DNAL4: variants seen among roughly 807,000 people sequenced by gnomAD.
The protein encoded by DNAL4 is dynein light chain, outer arm 4.
In DNAL4, 10 loss-of-function variants were observed where a neutral mutation model predicts 12.6. The observed-to-expected ratio is 0.79, with a 90% CI of 0.49 to 1.34. The LOEUF (loss-of-function observed/expected upper bound fraction) is 1.34. DNAL4 is among the 40% of genes most tolerant of loss of function. The pLI, the probability that DNAL4 is intolerant of heterozygous loss-of-function variation, is 0.00. For synonymous variants in DNAL4, 46 were observed against 53.1 expected (o/e 0.87, Z 0.58); for missense variants, 128 against 138.1 (o/e 0.93, Z 0.37).
At chr22:38,786,348 C>A (rs1396405335) in intron 1 of DNAL4, among the ~76,000 whole-genome samples, 1 of 152,150 alleles carries the variant, frequency 6.6e-6, no homozygotes, top group African/African-American at 2.4e-5. Context: ...CACTTGAGGT[C>A]AGAAGTTCGA....
chr22:38,787,151 C>T lies in DNAL4; in HGVS notation c.-139-4281G>A, dbSNP rs376244464. 6.2e-4 allele frequency among the ~76,000 whole-genome samples: 94 copies of T among 152,216 alleles called. 1 individual carries two copies. In the East Asian group the frequency reaches 0.01, roughly 16 times the overall value. ...TGGTGGTTCTGAGTACAGACTCCACCGTCGGATCTGAATTCACATCTTGGT... is the reference window on the plus strand; with the variant it reads ...TGGTGGTTCTGAGTACAGACTCCACTGTCGGATCTGAATTCACATCTTGGT... On this transcript the variant is annotated intron_variant, in intron 1 of 3. Transcript: ENST00000216068.
chr22:38,793,711 T>C (rs1219594621), intron 1 of DNAL4, among the ~76,000 whole-genome samples: 1 of 151,994 alleles, frequency 6.6e-6, no homozygotes, highest in Non-Finnish European at 1.5e-5. Context: ...CTGACCTAGT[T>C]GATGGCGACC....
intron 1 of DNAL4, among the ~76,000 whole-genome samples, chr22:38,786,484 G>A (rs1303258768): frequency 1.3e-5 from 2 of 152,178 alleles, no homozygotes; most frequent in African/African-American, 2.4e-5. Flanking sequence ...GCTTGAACCC[G>A]GGAGACAGAG....
chr22:38,779,819 A>G lies in DNAL4; in HGVS notation c.154-206T>C, dbSNP rs981789345. 5.3e-5 allele frequency among the ~76,000 whole-genome samples: 8 copies of G among 152,172 alleles called. No homozygotes were observed. Among genetic ancestry groups the G allele is most frequent in the Non-Finnish European group, 1.2e-4 (8 of 68,022 alleles). On this transcript the variant is annotated intron_variant, in intron 3 of 3. Coordinates refer to ENST00000216068, the MANE Select transcript of DNAL4 (RefSeq NM_005740.3). The surrounding 1 kb of genome is among the most constrained non-coding windows in gnomAD (Gnocchi z 4.3). ...ATTACACAGGCACAGAAAACTAGAC[A>G]TTACTCAGCAGTCAAGAAGAAACTG...
intron 1 of DNAL4, among the ~76,000 whole-genome samples, chr22:38,789,029 G>A (rs1031791555): frequency 3.3e-5 from 5 of 152,114 alleles, no homozygotes; most frequent in Admixed American, 2.0e-4. Context: ...CCCATGGGAG[G>A]GGAGAGGACC....
chr22:38,792,472 C>T (rs1156305450), intron 1 of DNAL4, among the ~76,000 whole-genome samples: 1 of 152,144 alleles, frequency 6.6e-6, no homozygotes, highest in Non-Finnish European at 1.5e-5. Context: ...TTAGTAGGGA[C>T]AGGTTTTACC....
chr22:38,789,265 T>G (rs1014100953), intron 1 of DNAL4, among the ~76,000 whole-genome samples: 4 of 152,298 alleles, frequency 2.6e-5, no homozygotes, highest in African/African-American at 7.2e-5. Flanking sequence ...TCAAAGATTA[T>G]GCTTTTTCTT....
chr22:38,792,977 T>C (rs2093053342), intron 1 of DNAL4, among the ~76,000 whole-genome samples: 1 of 152,260 alleles, frequency 6.6e-6, no homozygotes, highest in Non-Finnish European at 1.5e-5. Context: ...CTGGCAGCAC[T>C]GTAGGTTTGC....
Position 38,783,237 on chromosome 22 carries a change from C to T in DNAL4, c.-139-367G>A, listed in dbSNP as rs376360408. Among the ~76,000 whole-genome samples, 56 of 148,802 alleles carry T rather than the reference C, an allele frequency of 3.8e-4. No individual in the cohort carries two copies. The East Asian group carries it at 9.6e-3, about 25-fold the overall frequency. The stretch of plus-strand genomic sequence containing the variant: ...TGGGCCTTCCCTCCCACTACACACA[C>T]GGGCCTTCCCTCCCACTACACACAC... On this transcript the variant is annotated intron_variant, in intron 1 of 3. Coordinates refer to ENST00000216068, the MANE Select transcript of DNAL4 (RefSeq NM_005740.3).
chr22:38,780,843 C>T, intron 3 of DNAL4, 83 bp downstream of exon 3: 1 of 1,388,690 alleles, frequency 7.2e-7, no homozygotes, highest in Middle Eastern at 1.8e-4. Context: ...CTGTCTGGAG[C>T]CAACTGCAGG....
At position 38,782,475 on chromosome 22, in the gene DNAL4, A is replaced by G. The variant is rs781310063; in HGVS notation, c.69+188T>C. 1.3e-5 allele frequency among the ~76,000 whole-genome samples: 2 copies of G among 152,236 alleles called. No homozygotes were observed. The highest frequency in any genetic ancestry group is 2.9e-5 in the Non-Finnish European group (2 of 68,030). ...GTGCCCGGCATAGAGTAGGTGGCCCAATACTTGGTGAATGAATGAATGAAT... is the reference window on the plus strand; with the variant it reads ...GTGCCCGGCATAGAGTAGGTGGCCCGATACTTGGTGAATGAATGAATGAAT... On this transcript the variant is annotated intron_variant, in intron 2 of 3. Coordinates refer to ENST00000216068, the MANE Select transcript of DNAL4 (RefSeq NM_005740.3). This position sits in a 1 kb window ranked among gnomAD's most constrained non-coding sequence, Gnocchi z 5.1.
At chr22:38,786,595 T>C (rs2093042617) in intron 1 of DNAL4, among the ~76,000 whole-genome samples, 1 of 151,890 alleles carries the variant, frequency 6.6e-6, no homozygotes, top group South Asian at 2.1e-4. Flanking sequence ...AAAACAAAAC[T>C]GTGCCCACCG....
intron 1 of DNAL4, among the ~76,000 whole-genome samples, chr22:38,786,276 T>C (rs1223235656): frequency 6.6e-6 from 1 of 152,170 alleles, no homozygotes; most frequent in Non-Finnish European, 1.5e-5. Context: ...AATATAATTG[T>C]GGCTGGGTGC....
chr22:38,790,504 G>A (rs1175445075), intron 1 of DNAL4, among the ~76,000 whole-genome samples: 3 of 152,162 alleles, frequency 2.0e-5, no homozygotes, highest in Non-Finnish European at 4.4e-5. Flanking sequence ...AGAGAAGCAG[G>A]TCAGTTTCAT....
rs780347765 is a variant in DNAL4 at position 38,780,983 on chromosome 22, G to A, written c.96C>T (p.Arg32=). Residue 32 remains arginine (R), a synonymous_variant, in exon 3 of 4, where the codon CGC becomes CGT. Coordinates refer to ENST00000216068, the MANE Select transcript of DNAL4 (RefSeq NM_005740.3). ...TGACACATAGCTCCATGGTCTCCAC[G>A]CGCATCTCCTCTGGCATGTCCGAGT... ...VRHSDMPEEM[R]VETMELCVTA... is the part of the protein sequence containing the mutation. The A allele has an allele frequency of 1.8e-5, 29 of 1,614,080 alleles. No individual in the cohort carries two copies. In the Admixed American group the frequency reaches 2.5e-4, roughly 14 times the overall value.
chr22:38,780,808 A>C, intron 3 of DNAL4, 118 bp downstream of exon 3: 4 of 967,976 alleles, frequency 4.1e-6, no homozygotes, highest in Non-Finnish European at 6.3e-6. Flanking sequence ...CTTCCAAGGA[A>C]GGCTCTGGCC....
In DNAL4 at chr22:38,788,961, G is replaced by A. The variant is rs183101765; in HGVS notation, c.-140+5107C>T. The stretch of plus-strand genomic sequence containing the variant: ...CCCCAGAGCACAAAGGCCAGTGTCT[G>A]GCACACGGCAGAAGCCCAGAAATTA... On this transcript the variant is annotated intron_variant, in intron 1 of 3. Coordinates refer to ENST00000216068, the MANE Select transcript of DNAL4 (RefSeq NM_005740.3). 3.2e-3 allele frequency among the ~76,000 whole-genome samples: 484 copies of A among 152,324 alleles called. 5 individuals are homozygous for A. The highest frequency in any genetic ancestry group is 0.011 in the African/African-American group (462 of 41,564).
chr22:38,792,511 G>A (rs1244201105), intron 1 of DNAL4, among the ~76,000 whole-genome samples: 2 of 152,284 alleles, frequency 1.3e-5, no homozygotes, highest in African/African-American at 2.4e-5. Context: ...TCAAACTCTT[G>A]ACCTCAGGTG....
chr22:38,789,800 C>G (rs764017260), intron 1 of DNAL4, among the ~76,000 whole-genome samples: 1 of 152,170 alleles, frequency 6.6e-6, no homozygotes, highest in South Asian at 2.1e-4. Flanking sequence ...TTGAGTCAGG[C>G]CTGGAAAGGT....
Sources: allele counts gnomAD v4.1 joint callset (sites outside exome capture counted in the v4.1 genomes callset), GRCh38; gene constraint gnomAD v4.1.1; non-coding constraint Gnocchi (gnomAD v3.1); transcripts MANE v1.5; gene names NCBI Gene and HGNC (gene_info 2026-07-23, HGNC 2026-07-21).